RASGEF1B: variants seen among roughly 807,000 people sequenced by gnomAD.
The protein encoded by RASGEF1B is ras-GEF domain-containing family member 1B.
RASGEF1B carries 30 observed loss-of-function variants against 65.7 expected under a neutral mutation model. That is an observed-to-expected ratio of 0.46 (90% CI 0.34 to 0.62). The LOEUF (loss-of-function observed/expected upper bound fraction) is 0.62, where lower values mean the gene tolerates loss of function less well. Among genes scored for constraint, RASGEF1B ranks in the 20% least tolerant of loss-of-function variants. RASGEF1B has a pLI of 0.01. For missense variants in RASGEF1B, 495 were observed against 580.1 expected (o/e 0.85, Z 1.51); for synonymous variants, 175 against 194.8 (o/e 0.90, Z 0.85).
chr4:81,457,712 T>A (rs1205927088), intron 2 of RASGEF1B, 91 bp from the exon 3 acceptor site: 1 of 1,436,548 alleles, frequency 7.0e-7, no homozygotes, highest in Non-Finnish European at 9.5e-7. Context: ...TAAGTTCTCC[T>A]GATCAAGTTC....
chr4:81,437,645 C>T (rs1721676984), intron 10 of RASGEF1B, among the ~76,000 whole-genome samples: 1 of 152,158 alleles, frequency 6.6e-6, no homozygotes, highest in South Asian at 2.1e-4. Flanking sequence ...AGGCTATTAC[C>T]TTACATGATT....
At chr4:81,469,346 G>C (rs1321094831) in intron 1 of RASGEF1B, among the ~76,000 whole-genome samples, 1 of 152,076 alleles carries the variant, frequency 6.6e-6, no homozygotes, top group African/African-American at 2.4e-5. Context: ...GTGCTCTCCT[G>C]GGGCTATCCC....
At chr4:81,463,803 G>T (rs1482086413) in intron 1 of RASGEF1B, among the ~76,000 whole-genome samples, 2 of 152,126 alleles carry the variant, frequency 1.3e-5, no homozygotes, top group African/African-American at 4.8e-5. Context: ...ACTCAGACTT[G>T]ATGTCTGGGT....
chr4:81,471,734 C>G (rs1189576319), intron 1 of RASGEF1B, 36 bp downstream of exon 1: 2 of 152,634 alleles, frequency 1.3e-5, no homozygotes, highest in East Asian at 1.9e-4. Context: ...TGTGGTCCCC[C>G]AGCCGGGAGA....
At chr4:81,439,975 G>A (rs569393173) in intron 10 of RASGEF1B, among the ~76,000 whole-genome samples, 11 of 152,292 alleles carry the variant, frequency 7.2e-5, no homozygotes, top group African/African-American at 2.6e-4. Flanking sequence ...TTTTATTTCA[G>A]ATCATTGAGG....
chr4:81,471,536 C>T (rs1237016462), intron 1 of RASGEF1B, among the ~76,000 whole-genome samples: 1 of 152,168 alleles, frequency 6.6e-6, no homozygotes, highest in African/African-American at 2.4e-5. Context: ...AGGGGCCCTC[C>T]CCCGGTCCCG....
chr4:81,441,127 C>G (rs1721819582), intron 9 of RASGEF1B, among the ~76,000 whole-genome samples, 198 bp from the exon 10 acceptor site: 1 of 152,094 alleles, frequency 6.6e-6, no homozygotes, highest in African/African-American at 2.4e-5. Flanking sequence ...TGTAATTATG[C>G]GAGCTGATGT....
chr4:81,441,540 ATTTT>A (rs552908407), intron 9 of RASGEF1B, among the ~76,000 whole-genome samples: 2 of 133,832 alleles, frequency 1.5e-5, no homozygotes, highest in Admixed American at 7.6e-5. Context: ...CTTGCACGCG[ATTTT>A]TTTTTTTTTT....
At chr4:81,438,192 C>T (rs980843471) in intron 10 of RASGEF1B, among the ~76,000 whole-genome samples, 2 of 152,116 alleles carry the variant, frequency 1.3e-5, no homozygotes, top group African/African-American at 2.4e-5. Context: ...CCTGGAGACA[C>T]AGGTACCTAC....
intron 9 of RASGEF1B, among the ~76,000 whole-genome samples, chr4:81,441,525 A>G (rs1721836200): frequency 6.6e-6 from 1 of 151,124 alleles, no homozygotes; most frequent in African/African-American, 2.4e-5. Context: ...TCAAATACAC[A>G]TACTCTTGCA....
rs547045873 is a variant in RASGEF1B at position 81,438,396 on chromosome 4, C to T, written c.1104+2438G>A. On this transcript the variant is annotated intron_variant, in intron 10 of 13. Coordinates refer to ENST00000264400, the MANE Select transcript of RASGEF1B (RefSeq NM_152545.3). The stretch of plus-strand genomic sequence containing the variant: ...AACTCCTGACCTCAGGTGATCCACC[C>T]GCCTCAGCCTCCCAAAGTGCTGGGA... 5.9e-5 allele frequency among the ~76,000 whole-genome samples: 9 copies of T among 152,340 alleles called. No homozygotes were observed. The South Asian group carries it at 6.2e-4, about 11-fold the overall frequency.
At chr4:81,467,384 TAGC>T (rs1159312875) in intron 1 of RASGEF1B, among the ~76,000 whole-genome samples, 3 of 152,200 alleles carry the variant, frequency 2.0e-5, no homozygotes, top group African/African-American at 7.2e-5. Context: ...GATGTGTTGT[TAGC>T]AGTTTATTAA....
chr4:81,428,109 G>A (rs575105173), intron 13 of RASGEF1B, among the ~76,000 whole-genome samples: 1 of 152,268 alleles, frequency 6.6e-6, no homozygotes, highest in Admixed American at 6.5e-5. Context: ...TTTAGGTACA[G>A]GTTATCACAG....
chr4:81,429,768 C>A (rs1037057724), intron 13 of RASGEF1B, among the ~76,000 whole-genome samples: 1 of 152,048 alleles, frequency 6.6e-6, no homozygotes, highest in Non-Finnish European at 1.5e-5. Context: ...GCAGGACAGA[C>A]TGGCGGGATG....
chr4:81,465,471 C>G (rs1330741336), intron 1 of RASGEF1B, among the ~76,000 whole-genome samples: 1 of 152,186 alleles, frequency 6.6e-6, no homozygotes, highest in African/African-American at 2.4e-5. Context: ...AGTTGACAGA[C>G]AAGACATCTT....
rs1177447986 is a variant in RASGEF1B, at chr4:81,456,799, A to G, written c.301-11T>C. ...TTTTCTCATCTGGTTCTAGGGAGAA[A>G]TAGCAAATCTAATTCAGTGATATTT... On this transcript the variant is annotated splice_polypyrimidine_tract_variant and intron_variant, in intron 3 of 13. Coordinates refer to ENST00000264400, the MANE Select transcript of RASGEF1B (RefSeq NM_152545.3). 6 of 1,596,032 alleles carry G rather than the reference A, an allele frequency of 3.8e-6. No individual in the cohort carries two copies. The highest frequency in any genetic ancestry group is 8.5e-7 in the Non-Finnish European group (1 of 1,171,316).
rs561035548 is a variant in RASGEF1B, at chr4:81,459,096, C to A, written c.177+236G>T. The A allele has an allele frequency of 7.2e-6, 3 of 418,954 alleles. No individual in the cohort carries two copies. In the East Asian group the frequency reaches 1.2e-4, roughly 16 times the overall value. 26.0% of individuals were successfully genotyped at this position (418,954 alleles called of 1,614,324 possible). On this transcript the variant is annotated intron_variant, in intron 2 of 13. Transcript: ENST00000264400. ...GATACTTCATTTAGATGGTATCAGA[C>A]CATCTACAATGTTGTAACTAACCTG... is the stretch of plus-strand genomic sequence containing the variant.
intron 10 of RASGEF1B, among the ~76,000 whole-genome samples, chr4:81,440,255 A>C (rs1721789546): frequency 1.3e-5 from 2 of 152,186 alleles, no homozygotes; most frequent in African/African-American, 4.8e-5. Context: ...CAGAATCAAG[A>C]ATATGGTAGA....
chr4:81,435,682 A>G (rs371050670), intron 10 of RASGEF1B, among the ~76,000 whole-genome samples: 105 of 146,006 alleles, frequency 7.2e-4, no homozygotes, highest in African/African-American at 1.1e-3. Flanking sequence ...TCACCGTGTT[A>G]GCCAGGATGG....
Sources: allele counts gnomAD v4.1 joint callset (sites outside exome capture counted in the v4.1 genomes callset), GRCh38; gene constraint gnomAD v4.1.1; transcripts MANE v1.5; gene names NCBI Gene and HGNC (gene_info 2026-07-23, HGNC 2026-07-21).